The following KAT2B variants were observed in gnomAD, a reference collection of about 807,000 sequenced individuals.
KAT2B encodes the protein histone acetyltransferase KAT2B.
KAT2B carries 36 observed loss-of-function variants against 105.9 expected under a neutral mutation model. That is an observed-to-expected ratio of 0.34 (90% confidence interval 0.26 to 0.45). The LOEUF (loss-of-function observed/expected upper bound fraction) is 0.45, where lower values mean the gene tolerates loss of function less well. Ranked by LOEUF, KAT2B falls within the 20% of genes least tolerant of loss-of-function variation. The probability of loss-of-function intolerance (pLI) is 1.00; values close to 1 mark genes in which losing one functional copy is unlikely to be tolerated. For synonymous variants in KAT2B, 397 were observed against 377.9 expected, an observed-to-expected ratio of 1.05 and a Z score of -0.59; for missense variants, 820 against 1,021.6, an observed-to-expected ratio of 0.80 and a Z score of 2.69.
intron 1 of KAT2B, among the ~76,000 whole-genome samples, chr3:20,048,971 C>T (rs1697864773): frequency 6.6e-6 from 1 of 152,112 alleles, no homozygotes; most frequent in African/African-American, 2.4e-5. Flanking sequence ...AAGTGATTCT[C>T]CTGCCTCAGC....
At chr3:20,146,663 A>G (rs1355071735) in intron 14 of KAT2B, 3 of 281,082 alleles carry the variant, frequency 1.1e-5, no homozygotes, top group Non-Finnish European at 1.8e-5. Context: ...GTTAATATCC[A>G]CCACTTAATG....
intron 1 of KAT2B, among the ~76,000 whole-genome samples, chr3:20,067,542 CTG>C (rs955953331): frequency 6.6e-6 from 1 of 152,138 alleles, no homozygotes; most frequent in African/African-American, 2.4e-5. Flanking sequence ...CTCTAAAACT[CTG>C]TGTTGTCTTC....
chr3:20,096,929 C>T (rs180867030), intron 3 of KAT2B, among the ~76,000 whole-genome samples: 76 of 147,052 alleles, frequency 5.2e-4, no homozygotes, highest in African/African-American at 1.8e-3. Flanking sequence ...GGGATATTAA[C>T]TTTAAAAAGA....
chr3:20,087,350 A>G (rs1246853572), intron 2 of KAT2B, among the ~76,000 whole-genome samples: 1 of 152,172 alleles, frequency 6.6e-6, no homozygotes, highest in African/African-American at 2.4e-5. Flanking sequence ...AAAATGAGAA[A>G]ATAATTTATT....
At position 20,126,510 on chromosome 3, in the gene KAT2B, C is replaced by T. The variant is rs1199485690; in HGVS notation, c.1622+397C>T. Among the ~76,000 whole-genome samples the T allele has an allele frequency of 6.0e-5, 9 of 149,754 alleles. No individual in the cohort carries two copies. The East Asian group carries it at 1.7e-3, about 29-fold the overall frequency. On this transcript the variant is annotated intron_variant, in intron 10 of 17. Transcript: ENST00000263754. ...TATAAGACAGGTTAACTTTGAAAAT[C>T]CATTGCTTAAAAAAAAAAAACAAAA...
chr3:20,098,715 TC>T (rs1575132395), intron 3 of KAT2B, among the ~76,000 whole-genome samples: 2 of 152,224 alleles, frequency 1.3e-5, no homozygotes, highest in East Asian at 3.8e-4. Flanking sequence ...TTATGACCAA[TC>T]TTTAGATATT....
chr3:20,150,075 G>T (rs1344956782), intron 17 of KAT2B, among the ~76,000 whole-genome samples: 1 of 152,182 alleles, frequency 6.6e-6, no homozygotes, highest in East Asian at 1.9e-4. Context: ...ACCCGTGAAG[G>T]TTGTGAACTT....
At chr3:20,048,286 C>G (rs960992840) in intron 1 of KAT2B, among the ~76,000 whole-genome samples, 1 of 152,248 alleles carries the variant, frequency 6.6e-6, no homozygotes, top group East Asian at 1.9e-4. Context: ...GCCTGCAAAG[C>G]CTTCAGATTG....
At chr3:20,089,953 G>A (rs1226453455) in intron 2 of KAT2B, among the ~76,000 whole-genome samples, 1 of 150,662 alleles carries the variant, frequency 6.6e-6, no homozygotes, top group Non-Finnish European at 1.5e-5. Flanking sequence ...GAACAGCTTG[G>A]ACAACATAGT....
chr3:20,087,701 T>C (rs1354142514), intron 2 of KAT2B, among the ~76,000 whole-genome samples: 1 of 152,202 alleles, frequency 6.6e-6, no homozygotes, highest in Non-Finnish European at 1.5e-5. Flanking sequence ...TTTTACTTTC[T>C]GCTTCTGTGA....
At chr3:20,121,377 T>G (rs75482782) in intron 8 of KAT2B, among the ~76,000 whole-genome samples, 8,575 of 152,208 alleles carry the variant, frequency 0.056, 353 homozygotes, top group Non-Finnish European at 0.075. Flanking sequence ...AAAATTTACT[T>G]GTAAAAATAA....
At chr3:20,152,256 C>A in intron 17 of KAT2B, 76 bp from the exon 18 acceptor site, 2 of 953,122 alleles carry the variant, frequency 2.1e-6, no homozygotes, top group Non-Finnish European at 3.2e-6. Context: ...AACATAGATT[C>A]CTTTCCCAGT....
At chr3:20,046,723 C>T (rs1410268296) in intron 1 of KAT2B, among the ~76,000 whole-genome samples, 1 of 152,132 alleles carries the variant, frequency 6.6e-6, no homozygotes, top group African/African-American at 2.4e-5. Flanking sequence ...GAGAGCGCCC[C>T]CAACACCTTT....
intron 1 of KAT2B, among the ~76,000 whole-genome samples, chr3:20,047,731 GCCT>G (rs1209942456): frequency 6.6e-6 from 1 of 150,822 alleles, no homozygotes; most frequent in African/African-American, 2.4e-5. Context: ...GCCTGCCTCA[GCCT>G]CCTGAGTAGC....
intron 8 of KAT2B, 146 bp from the exon 9 acceptor site, chr3:20,122,522 T>C (rs1699328369): frequency 3.6e-6 from 2 of 561,324 alleles, no homozygotes; most frequent in Non-Finnish European, 6.3e-6. Flanking sequence ...CTCTCTTTCC[T>C]GTCTTCCTTT....
intron 12 of KAT2B, 123 bp downstream of exon 12, chr3:20,137,175 A>T (rs952841997): frequency 9.8e-6 from 6 of 612,474 alleles, no homozygotes; most frequent in African/African-American, 9.2e-5. Context: ...CATTTGTTTT[A>T]CAAGCCTTAT....
At chr3:20,040,846 C>T (rs998585229) in intron 1 of KAT2B, 66 bp downstream of exon 1, 1 of 1,472,884 alleles carries the variant, frequency 6.8e-7, no homozygotes, top group African/African-American at 1.5e-5. Flanking sequence ...ACCCCCCTCC[C>T]CCTCCCGCTT....
chr3:20,040,731 C>T lies in KAT2B; in HGVS notation c.254C>T (p.Ala85Val), dbSNP rs1038283682. ...GTGAAGAAAGCGCAACTACGCTCCG[C>T]TCCGCGGGCCAAGAAACTGGAGAAA... ...IAVKKAQLRSAPRAKKLEKLG... is the reference protein window; with the variant it reads ...IAVKKAQLRSVPRAKKLEKLG... The change falls in exon 1 of 18, where the codon GCT becomes GTT. Residue 85 changes from alanine (A) to valine (V), a missense_variant. Coordinates refer to ENST00000263754, the MANE Select transcript of KAT2B (RefSeq NM_003884.5). 4 of 1,596,510 alleles carry T rather than the reference C, an allele frequency of 2.5e-6. No individual in the cohort carries two copies. Among genetic ancestry groups the T allele is most frequent in the Admixed American group, 3.4e-5 (2 of 59,370 alleles).
At chr3:20,071,080 C>A (rs550691354) in intron 1 of KAT2B, among the ~76,000 whole-genome samples, 7 of 151,486 alleles carry the variant, frequency 4.6e-5, no homozygotes, top group Non-Finnish European at 8.8e-5. Flanking sequence ...TTAATAATAT[C>A]TTTTCTTTAA....
Sources: allele counts gnomAD v4.1 joint callset (sites outside exome capture counted in the v4.1 genomes callset), GRCh38; gene constraint gnomAD v4.1.1; transcripts MANE v1.5; gene names NCBI Gene and HGNC (gene_info 2026-07-23, HGNC 2026-07-21).